The following SLC24A4 variants were observed in gnomAD, a reference collection of about 807,000 sequenced individuals.
SLC24A4 encodes sodium/potassium/calcium exchanger 4.
A neutral mutation model predicts 79.0 loss-of-function variants in SLC24A4; 53 were observed. The ratio of observed to expected loss-of-function variants is 0.67; its 90% CI spans 0.54 to 0.84. The LOEUF (loss-of-function observed/expected upper bound fraction) is 0.84. SLC24A4 is among the 40% of genes least tolerant of loss of function. SLC24A4 has a pLI of 0.00. For synonymous variants in SLC24A4, 323 were observed against 323.8 expected (o/e 1.00, Z 0.03); for missense variants, 731 against 822.0 (o/e 0.89, Z 1.35).
At chr14:92,385,317 C>A (rs543523645) in intron 2 of SLC24A4, among the ~76,000 whole-genome samples, 1 of 151,952 alleles carries the variant, frequency 6.6e-6, no homozygotes, top group Non-Finnish European at 1.5e-5. Flanking sequence ...CCATCCTGGC[C>A]AACATGGTGA....
chr14:92,357,735 G>C (rs1192661107), intron 2 of SLC24A4, among the ~76,000 whole-genome samples: 1 of 152,206 alleles, frequency 6.6e-6, no homozygotes, highest in Non-Finnish European at 1.5e-5. Flanking sequence ...TTCGGTTTGG[G>C]AAGATGGAAA....
At chr14:92,468,045 A>AAGG (rs1894219780) in intron 12 of SLC24A4, among the ~76,000 whole-genome samples, 1 of 152,208 alleles carries the variant, frequency 6.6e-6, no homozygotes, top group Admixed American at 6.5e-5. Context: ...AACCCACACA[A>AAGG]AAATAACACT....
chr14:92,437,097 C>T (rs915840845), intron 3 of SLC24A4, among the ~76,000 whole-genome samples: 1 of 152,174 alleles, frequency 6.6e-6, no homozygotes, highest in Admixed American at 6.5e-5. Flanking sequence ...AACAGGACAT[C>T]CATAGCACTT....
intron 2 of SLC24A4, among the ~76,000 whole-genome samples, chr14:92,406,873 A>G (rs1317202719): frequency 3.3e-5 from 5 of 152,162 alleles, no homozygotes; most frequent in Non-Finnish European, 7.3e-5. Flanking sequence ...CCTCTTTACT[A>G]TGCAGATTTC....
chr14:92,391,777 C>T (rs1355374729), intron 2 of SLC24A4, among the ~76,000 whole-genome samples: 2 of 152,248 alleles, frequency 1.3e-5, no homozygotes, highest in East Asian at 1.9e-4. Flanking sequence ...GGGAACCCAG[C>T]GGCCATGCTC....
At position 92,480,334 on chromosome 14, in the gene SLC24A4, C is replaced by T. The variant is rs186149457; in HGVS notation, c.1256-2346C>T. 2.6e-3 allele frequency among the ~76,000 whole-genome samples: 266 copies of T among 104,236 alleles called. 11 individuals carry two copies. Among genetic ancestry groups the T allele is most frequent in the African/African-American group, 8.7e-3 (245 of 28,204 alleles). The allele number at this position is 104,236 out of a possible 152,430, so 68.4% of individuals were successfully genotyped here. On this transcript the variant is annotated intron_variant, in intron 12 of 16. Transcript: ENST00000532405. ...TGGAGTCTTGCTCTGTCGCCCAGGCCGAACTGCGGACTGCAGTGGCACAAT... is the reference window on the plus strand; with the variant it reads ...TGGAGTCTTGCTCTGTCGCCCAGGCTGAACTGCGGACTGCAGTGGCACAAT...
At chr14:92,330,585 T>C (rs1555358952) in intron 2 of SLC24A4, among the ~76,000 whole-genome samples, 1 of 152,216 alleles carries the variant, frequency 6.6e-6, no homozygotes, top group Non-Finnish European at 1.5e-5. Context: ...CAGGCTGCTT[T>C]AGCAAAATAT....
At chr14:92,406,446 C>A (rs1194558065) in intron 2 of SLC24A4, among the ~76,000 whole-genome samples, 5 of 152,216 alleles carry the variant, frequency 3.3e-5, no homozygotes, top group African/African-American at 4.8e-5. Flanking sequence ...CCCAATGTTT[C>A]TCCTCTGCAT....
chr14:92,360,839 G>A (rs967094706), intron 2 of SLC24A4, among the ~76,000 whole-genome samples: 32 of 152,198 alleles, frequency 2.1e-4, no homozygotes, highest in African/African-American at 7.7e-4. Flanking sequence ...ACACAGCCAC[G>A]TTACCACGGA....
chr14:92,340,579 A>AC (rs1361818647), intron 2 of SLC24A4, among the ~76,000 whole-genome samples: 1 of 3,670 alleles, frequency 2.7e-4, no homozygotes, highest in Non-Finnish European at 6.0e-3. Context: ...GCATCATGCC[A>AC]AACCTGCAGG....
chr14:92,449,276 T>C, intron 10 of SLC24A4, 60 bp downstream of exon 10: 2 of 1,479,156 alleles, frequency 1.4e-6, no homozygotes, highest in Non-Finnish European at 9.2e-7. Flanking sequence ...CTCTCCTCTT[T>C]TGTGTACACA....
intron 2 of SLC24A4, among the ~76,000 whole-genome samples, chr14:92,391,010 A>G (rs1889429330): frequency 6.6e-6 from 1 of 152,144 alleles, no homozygotes; most frequent in Admixed American, 6.5e-5. Context: ...CATGCATCCA[A>G]TGGATGGAGA....
chr14:92,366,627 A>G (rs866273642), intron 2 of SLC24A4, among the ~76,000 whole-genome samples: 2 of 152,138 alleles, frequency 1.3e-5, no homozygotes, highest in Non-Finnish European at 2.9e-5. Context: ...TCCTCCGCTG[A>G]GGTTTGGAGC....
chr14:92,410,034 A>C (rs753227507), intron 2 of SLC24A4, among the ~76,000 whole-genome samples: 16 of 152,208 alleles, frequency 1.1e-4, no homozygotes, highest in Non-Finnish European at 2.1e-4. Context: ...ACTGGTGTCT[A>C]TTTGAGGGGG....
intron 2 of SLC24A4, among the ~76,000 whole-genome samples, chr14:92,389,584 C>T (rs1483164553): frequency 6.6e-6 from 1 of 152,126 alleles, no homozygotes; most frequent in Non-Finnish European, 1.5e-5. Flanking sequence ...CCTTTCCTGT[C>T]CCCCATGAAG....
At chr14:92,384,218 A>G (rs1298299204) in intron 2 of SLC24A4, among the ~76,000 whole-genome samples, 1 of 152,146 alleles carries the variant, frequency 6.6e-6, no homozygotes, top group South Asian at 2.1e-4. Flanking sequence ...TTATCAGCAT[A>G]AGAAAGGAAA....
At chr14:92,324,083 T>G in intron 1 of SLC24A4, 123 bp downstream of exon 1, 2 of 1,318,102 alleles carry the variant, frequency 1.5e-6, no homozygotes, top group African/African-American at 1.5e-5. Flanking sequence ...GTTCATCCAG[T>G]CCCCTCCCCG....
At chr14:92,439,228 T>C in intron 3 of SLC24A4, 107 bp from the exon 4 acceptor site, 1 of 866,976 alleles carries the variant, frequency 1.2e-6, no homozygotes, top group Non-Finnish European at 1.9e-6. Context: ...TGCCCCGCTC[T>C]GTCCGCCTGG....
intron 4 of SLC24A4, among the ~76,000 whole-genome samples, chr14:92,440,726 A>G (rs1419724990): frequency 6.6e-6 from 1 of 151,970 alleles, no homozygotes; most frequent in Non-Finnish European, 1.5e-5. Context: ...AGTGAGAGAC[A>G]TTAAAGGACA....
Sources: gnomAD v4.1 joint callset for allele counts (sites outside exome capture counted in the v4.1 genomes callset) on GRCh38, gnomAD v4.1.1 for gene constraint, MANE v1.5 for transcripts, NCBI Gene and HGNC (gene_info 2026-07-23, HGNC 2026-07-21) for gene names.